JMY: variants seen among roughly 807,000 people sequenced by gnomAD.
JMY encodes the protein junction-mediating and -regulatory protein.
A neutral mutation model predicts 103.3 loss-of-function variants in JMY; 46 were observed. That is an observed-to-expected ratio of 0.45 (90% confidence interval 0.35 to 0.57). The LOEUF is 0.57. JMY is among the 20% of genes least tolerant of loss of function. JMY has a pLI of 0.00. For synonymous variants in JMY, 526 were observed against 489.3 expected, an observed-to-expected ratio of 1.07 and a Z score of -0.99; for missense variants, 1,238 against 1,255.2, an observed-to-expected ratio of 0.99 and a Z score of 0.21.
At chr5:79,284,419 C>T in intron 2 of JMY, 1 of 1,462,564 alleles carries the variant, frequency 6.8e-7, no homozygotes, top group Non-Finnish European at 9.5e-7. Context: ...TGATTTCCAT[C>T]ATCTTCTTCC....
At position 79,314,572 on chromosome 5, in the gene JMY, G is replaced by A. The variant is rs544908813; in HGVS notation, c.2380G>A (p.Glu794Lys). The change falls in exon 9 of 11, where the codon GAA becomes AAA. Residue 794 changes from glutamate to lysine, a missense_variant. Glu to Lys is a moderately conservative substitution (Grantham distance 56). Coordinates refer to ENST00000396137, the MANE Select transcript of JMY (RefSeq NM_152405.5). The part of the protein sequence containing the change: ...ISLPLLNNNL[E>K]PCSVTINPLP... Reference sequence around the variant, plus strand: ...TCTTCCACTTTTGAATAACAACCTCGAACCATGTTCTGTTACCATAAATCC... The same window carrying A: ...TCTTCCACTTTTGAATAACAACCTCAAACCATGTTCTGTTACCATAAATCC... 5.9e-5 allele frequency: 95 copies of A among 1,613,898 alleles called. No homozygotes were observed. In the Middle Eastern group the frequency reaches 4.0e-3, roughly 67 times the overall value.
intron 1 of JMY, among the ~76,000 whole-genome samples, chr5:79,266,593 A>C (rs75887265): frequency 0.021 from 3,135 of 152,300 alleles, 131 homozygotes; most frequent in African/African-American, 0.071. Context: ...TGTTGGGTAC[A>C]TTACAGTTCT....
At chr5:79,271,644 T>C (rs1745785513) in intron 1 of JMY, among the ~76,000 whole-genome samples, 1 of 152,228 alleles carries the variant, frequency 6.6e-6, no homozygotes, top group Non-Finnish European at 1.5e-5. Flanking sequence ...ACCGTTATGC[T>C]AACGAGGATG....
intron 2 of JMY, among the ~76,000 whole-genome samples, chr5:79,288,716 GTTTT>G (rs542455082): frequency 1.4e-5 from 2 of 146,472 alleles, no homozygotes; most frequent in African/African-American, 2.6e-5. Context: ...GTTTTGTTTT[GTTTT>G]TTTTTGTTTG....
chr5:79,263,976 G>T (rs547175463), intron 1 of JMY, among the ~76,000 whole-genome samples: 1 of 151,516 alleles, frequency 6.6e-6, no homozygotes, highest in East Asian at 1.9e-4. Flanking sequence ...TAGTAGAGAC[G>T]GGGTTTCACC....
At chr5:79,238,875 G>A (rs1347313379) in intron 1 of JMY, among the ~76,000 whole-genome samples, 1 of 152,106 alleles carries the variant, frequency 6.6e-6, no homozygotes, top group Non-Finnish European at 1.5e-5. Flanking sequence ...ATCTTGGCCA[G>A]TATGGTCTCG....
At chr5:79,300,635 C>T in intron 5 of JMY, 41 bp from the exon 6 acceptor site, 1 of 1,487,310 alleles carries the variant, frequency 6.7e-7, no homozygotes, top group Non-Finnish European at 9.1e-7. Flanking sequence ...AACCCTAGCC[C>T]ATATTCTTTA....
chr5:79,275,949 A>G (rs536243575), intron 1 of JMY, among the ~76,000 whole-genome samples: 1 of 152,350 alleles, frequency 6.6e-6, no homozygotes, highest in South Asian at 2.1e-4. Context: ...TACAACAACT[A>G]AAATGAAAAT....
intron 1 of JMY, among the ~76,000 whole-genome samples, chr5:79,271,762 T>G (rs934055136): frequency 2.0e-5 from 3 of 152,228 alleles, no homozygotes; most frequent in Non-Finnish European, 1.5e-5. Context: ...TTATTAGGTA[T>G]GTACACATAT....
Position 79,237,624 on chromosome 5 carries a change from A to T in JMY, c.974A>T (p.Glu325Val). The T allele has an allele frequency of 1.9e-6, 3 of 1,613,648 alleles. No individual in the cohort carries two copies. Among genetic ancestry groups the T allele is most frequent in the Non-Finnish European group, 2.5e-6 (3 of 1,179,992 alleles). Residue 325 changes from glutamate to valine, a missense_variant, in exon 1 of 11, where the codon GAG (glutamate) becomes GTG (valine). Physicochemically the swap from Glu to Val is moderately radical, Grantham distance 121 (BLOSUM62 -2). Transcript: ENST00000396137. ...DPEEYYESLS[E>V]LRQKGYEEVL... ...GAGGAGTATTACGAAAGCCTCAGCG[A>T]GCTGCGGCAGAAGGGCTACGAAGAA...
chr5:79,306,414 C>T lies in JMY; in HGVS notation c.1921C>T (p.Arg641Cys), dbSNP rs773617974. The change falls in exon 7 of 11, where the codon CGC becomes TGC. Residue 641 changes from arginine (R) to cysteine (C), a missense_variant. Transcript: ENST00000396137. ...IAKHNEKIQQ[R>C]TRIEDEYRTH... The stretch of plus-strand genomic sequence containing the variant: ...AAAACACAATGAAAAAATCCAACAG[C>T]GCACTCGGATTGAAGATGAATATAG... 1.3e-5 allele frequency: 21 copies of T among 1,612,954 alleles called. No individual in the cohort carries two copies. Among genetic ancestry groups the T allele is most frequent in the East Asian group, 6.7e-5 (3 of 44,848 alleles).
At chr5:79,288,592 G>A (rs904624092) in intron 2 of JMY, among the ~76,000 whole-genome samples, 29 of 151,458 alleles carry the variant, frequency 1.9e-4, no homozygotes, top group Admixed American at 2.6e-4. Flanking sequence ...ATTCCCTTTC[G>A]AAAGTCTGCC....
At chr5:79,281,353 A>ATTTT (rs35881012) in intron 2 of JMY, among the ~76,000 whole-genome samples, 3 of 116,746 alleles carry the variant, frequency 2.6e-5, no homozygotes, top group African/African-American at 6.4e-5. Flanking sequence ...CAAGAAATTA[A>ATTTT]TTTTTTTTTT....
intron 7 of JMY, among the ~76,000 whole-genome samples, chr5:79,309,277 G>C (rs1472416440): frequency 6.6e-6 from 1 of 152,094 alleles, no homozygotes; most frequent in Non-Finnish European, 1.5e-5. Flanking sequence ...GTTACCTGTA[G>C]GTTTTGGGAT....
At position 79,300,836 on chromosome 5, in the gene JMY, C is replaced by T. The variant is rs767890509; in HGVS notation, c.1854C>T (p.Ala618=). ...QLEARRGRVS[A]KKSYLRNKKE... is the part of the protein sequence containing the mutation. The stretch of plus-strand genomic sequence containing the variant: ...AAGCAAGACGTGGACGGGTTTCTGC[C>T]AAGAAATCCTACCTCAGAAATAAAA... Residue 618 remains alanine, a synonymous_variant, in exon 6 of 11, where the codon GCC becomes GCT. Transcript: ENST00000396137. 3.8e-6 allele frequency: 6 copies of T among 1,590,494 alleles called. No homozygotes were observed. In the African/African-American group the frequency reaches 6.8e-5, roughly 18 times the overall value.
chr5:79,281,290 C>T (rs1746102827), intron 2 of JMY, among the ~76,000 whole-genome samples: 1 of 151,548 alleles, frequency 6.6e-6, no homozygotes, highest in East Asian at 1.9e-4. Flanking sequence ...GTGATCCACC[C>T]ACCTCGGCCT....
At position 79,318,451 on chromosome 5, in the gene JMY, G is replaced by A. The variant is rs920095208; in HGVS notation, c.*3+2141G>A. Reference sequence around the variant, plus strand: ...TTGAAAGATTCTATTAGTTACATTAGGTAAAATATTACTGAAAGCAGTTTC... The same window carrying A: ...TTGAAAGATTCTATTAGTTACATTAAGTAAAATATTACTGAAAGCAGTTTC... On this transcript the variant is annotated intron_variant, in intron 10 of 10. Coordinates refer to ENST00000396137, the MANE Select transcript of JMY (RefSeq NM_152405.5). Among the ~76,000 whole-genome samples, 5 of 152,120 alleles carry A rather than the reference G, an allele frequency of 3.3e-5. 1 individual carries two copies. In the South Asian group the frequency reaches 1.0e-3, roughly 32 times the overall value.
intron 1 of JMY, among the ~76,000 whole-genome samples, chr5:79,256,717 T>C (rs1268272920): frequency 6.6e-6 from 1 of 152,166 alleles, no homozygotes; most frequent in Admixed American, 6.5e-5. Flanking sequence ...TTTCTTTCTT[T>C]TCTGCACCTG....
rs1020398322 is a variant in JMY, at chr5:79,326,064, T to C, written c.*4462T>C. 2 of 152,230 alleles carry C rather than the reference T, an allele frequency of 1.3e-5. No individual in the cohort carries two copies. The highest frequency in any genetic ancestry group is 1.3e-4 in the Admixed American group (2 of 15,284). 9.4% of individuals were successfully genotyped at this position (152,230 alleles called of 1,614,324 possible). On this transcript the variant is annotated 3_prime_UTR_variant, in exon 11 of 11. Coordinates refer to ENST00000396137, the MANE Select transcript of JMY (RefSeq NM_152405.5). ...CCCTTCTGCAGAGACATTATGCCAC[T>C]GTAAGGTGCATGTACAGAAAATACC...
Sources: gnomAD v4.1 joint callset for allele counts (sites outside exome capture counted in the v4.1 genomes callset) on GRCh38, gnomAD v4.1.1 for gene constraint, MANE v1.5 for transcripts, NCBI Gene and HGNC (gene_info 2026-07-23, HGNC 2026-07-21) for gene names.